CNTNAP2: variants seen among roughly 807,000 people sequenced by gnomAD.
The protein encoded by CNTNAP2 is contactin-associated protein-like 2.
A neutral mutation model predicts 155.2 loss-of-function variants in CNTNAP2; 98 were observed. That is an observed-to-expected ratio of 0.63 (90% CI 0.54 to 0.75). The LOEUF (loss-of-function observed/expected upper bound fraction) is 0.75, where lower values mean the gene tolerates loss of function less well. Among genes scored for constraint, CNTNAP2 ranks in the 30% least tolerant of loss-of-function variants. The probability of loss-of-function intolerance (pLI) is 0.00; values close to 1 mark genes in which losing one functional copy is unlikely to be tolerated. For missense variants in CNTNAP2, 1,727 were observed against 1,688.1 expected (o/e 1.02, Z -0.40); for synonymous variants, 651 against 631.2 (o/e 1.03, Z -0.47).
intron 21 of CNTNAP2, among the ~76,000 whole-genome samples, chr7:148,345,769 A>C (rs925360940): frequency 1.8e-4 from 28 of 151,892 alleles, no homozygotes; most frequent in African/African-American, 6.3e-4. Flanking sequence ...TGGATCTTCA[A>C]TTGTCTTTGT....
At position 146,738,669 on chromosome 7, in the gene CNTNAP2, C is replaced by A. The variant is rs767741312; in HGVS notation, c.98-35602C>A. ...TGGGTCTTAGATTTAAGTATTTAAT[C>A]CATTTTGAGTTGATTTTTGTATATG... On this transcript the variant is annotated intron_variant, in intron 1 of 23. Coordinates refer to ENST00000361727, the MANE Select transcript of CNTNAP2 (RefSeq NM_014141.6). Among the ~76,000 whole-genome samples the A allele has an allele frequency of 1.8e-4, 28 of 151,612 alleles. 1 individual carries two copies. The highest frequency in any genetic ancestry group is 3.0e-4 in the Non-Finnish European group (20 of 67,784).
intron 8 of CNTNAP2, among the ~76,000 whole-genome samples, chr7:147,170,008 A>C (rs1218743689): frequency 6.6e-6 from 1 of 151,884 alleles, no homozygotes; most frequent in Non-Finnish European, 1.5e-5. Context: ...TTTGGGGGTA[A>C]GGAGGCACTC....
intron 12 of CNTNAP2, among the ~76,000 whole-genome samples, chr7:147,631,271 A>T (rs987704320): frequency 6.6e-6 from 1 of 152,122 alleles, no homozygotes; most frequent in Admixed American, 6.6e-5. Context: ...GACTATACCT[A>T]ACCAAGGAGG....
chr7:146,441,611 T>A (rs1157109723), intron 1 of CNTNAP2, among the ~76,000 whole-genome samples: 1 of 151,510 alleles, frequency 6.6e-6, no homozygotes, highest in East Asian at 1.9e-4. Flanking sequence ...TTGCTGATGC[T>A]CTGGAGTCTA....
intron 15 of CNTNAP2, among the ~76,000 whole-genome samples, chr7:148,079,708 T>TATC (rs1263826422): frequency 3.3e-5 from 5 of 152,338 alleles, no homozygotes; most frequent in African/African-American, 1.2e-4. Context: ...CAGGACCTGC[T>TATC]ATCTGTCATG....
chr7:146,279,299 TAAAAC>T (rs984673148), intron 1 of CNTNAP2, among the ~76,000 whole-genome samples: 28 of 152,278 alleles, frequency 1.8e-4, no homozygotes, highest in African/African-American at 4.3e-4. Flanking sequence ...TGTGTTTTGT[TAAAAC>T]AAAGTTATGC....
intron 8 of CNTNAP2, among the ~76,000 whole-genome samples, chr7:147,258,072 T>C (rs1804371099): frequency 6.6e-6 from 1 of 152,070 alleles, no homozygotes; most frequent in Non-Finnish European, 1.5e-5. Context: ...AAAAACAATA[T>C]AGAGACAGAG....
chr7:147,988,483 G>T (rs559819409), intron 15 of CNTNAP2, among the ~76,000 whole-genome samples: 2 of 152,210 alleles, frequency 1.3e-5, no homozygotes, highest in East Asian at 1.9e-4. Context: ...TATGAGTCAG[G>T]TTGGAAAATA....
chr7:148,160,396 C>T (rs1474140764), intron 17 of CNTNAP2, among the ~76,000 whole-genome samples: 5 of 149,034 alleles, frequency 3.4e-5, no homozygotes, highest in Non-Finnish European at 4.4e-5. Flanking sequence ...GGGGACAGAG[C>T]GAGACCCTAA....
intron 19 of CNTNAP2, among the ~76,000 whole-genome samples, chr7:148,218,423 G>T (rs551269777): frequency 6.6e-6 from 1 of 152,090 alleles, no homozygotes; most frequent in Non-Finnish European, 1.5e-5. Flanking sequence ...ACAGGGTCTT[G>T]CTTTGTTGCC....
intron 3 of CNTNAP2, among the ~76,000 whole-genome samples, chr7:146,875,169 A>G (rs1795394547): frequency 6.6e-6 from 1 of 152,208 alleles, no homozygotes; most frequent in Non-Finnish European, 1.5e-5. Flanking sequence ...GGATGATTTA[A>G]TGGCATCTGA....
At chr7:146,539,892 G>A (rs1281126675) in intron 1 of CNTNAP2, among the ~76,000 whole-genome samples, 2 of 152,074 alleles carry the variant, frequency 1.3e-5, no homozygotes. Flanking sequence ...CAAAACAACA[G>A]CAATAGTTGA....
At chr7:146,724,158 A>G (rs945018651) in intron 1 of CNTNAP2, among the ~76,000 whole-genome samples, 23 of 152,230 alleles carry the variant, frequency 1.5e-4, no homozygotes, top group African/African-American at 5.3e-4. Flanking sequence ...CATTCCTACA[A>G]TCTCACTTAT....
intron 21 of CNTNAP2, among the ~76,000 whole-genome samples, chr7:148,273,851 A>G (rs966772712): frequency 1.3e-5 from 2 of 152,142 alleles, no homozygotes; most frequent in African/African-American, 4.8e-5. Flanking sequence ...TATTATTTCT[A>G]TTATAATCTA....
chr7:146,612,140 C>CT (rs1474253146), intron 1 of CNTNAP2, among the ~76,000 whole-genome samples: 1 of 151,990 alleles, frequency 6.6e-6, no homozygotes, highest in Admixed American at 6.6e-5. Context: ...GATTTAGAAT[C>CT]TAAAAAGTAA....
intron 1 of CNTNAP2, among the ~76,000 whole-genome samples, chr7:146,620,337 C>T (rs1367216031): frequency 1.3e-5 from 2 of 152,126 alleles, no homozygotes; most frequent in Non-Finnish European, 2.9e-5. Context: ...CTAGTTGATC[C>T]AAAAAGTTGG....
intron 13 of CNTNAP2, among the ~76,000 whole-genome samples, chr7:147,849,543 G>C (rs1332450862): frequency 6.6e-6 from 1 of 152,192 alleles, no homozygotes; most frequent in East Asian, 1.9e-4. Context: ...TCAATTTAGA[G>C]CCAGATAATT....
intron 4 of CNTNAP2, among the ~76,000 whole-genome samples, chr7:147,093,515 G>A (rs907731249): frequency 2.6e-5 from 4 of 152,188 alleles, no homozygotes; most frequent in African/African-American, 7.2e-5. Flanking sequence ...CTGATTTAGC[G>A]AATACTGAAT....
chr7:148,383,763 C>A lies in CNTNAP2; in HGVS notation c.3590C>A (p.Thr1197Lys), dbSNP rs760790277. 3.1e-6 allele frequency: 5 copies of A among 1,614,230 alleles called. No homozygotes were observed. Among genetic ancestry groups the A allele is most frequent in the Non-Finnish European group, 2.5e-6 (3 of 1,180,044 alleles). ...IAPLKAALRQTNASAHVHIQG... is the reference protein window; with the variant it reads ...IAPLKAALRQKNASAHVHIQG... ...CCTCTCAAGGCCGCCTTGAGGCAGA[C>A]AAACGCCTCGGCTCACGTCCACATC... The change falls in exon 22 of 24, where the codon ACA becomes AAA. Residue 1197 changes from threonine (T) to lysine (K), a missense_variant. By Grantham distance (78) the Thr-to-Lys change is moderately conservative (BLOSUM62 -1). Coordinates refer to ENST00000361727, the MANE Select transcript of CNTNAP2 (RefSeq NM_014141.6).
Sources: gnomAD v4.1 joint callset for allele counts (sites outside exome capture counted in the v4.1 genomes callset) on GRCh38, gnomAD v4.1.1 for gene constraint, MANE v1.5 for transcripts, NCBI Gene and HGNC (gene_info 2026-07-23, HGNC 2026-07-21) for gene names.